The following TBC1D5 variants were observed in gnomAD, a reference collection of about 807,000 sequenced individuals.
TBC1D5 encodes the protein TBC1 domain family, member 5.
In TBC1D5, 75 loss-of-function variants were observed where a neutral mutation model predicts 100.3. The observed-to-expected ratio is 0.75, with a 90% CI of 0.62 to 0.91. The LOEUF is 0.91. Among genes scored for constraint, TBC1D5 ranks in the 40% least tolerant of loss-of-function variants. TBC1D5 has a pLI of 0.00. For synonymous variants in TBC1D5, 323 were observed against 325.6 expected (o/e 0.99, Z 0.09); for missense variants, 910 against 942.4 (o/e 0.97, Z 0.45).
intron 1 of TBC1D5, among the ~76,000 whole-genome samples, chr3:17,635,281 T>C (rs1259238068): frequency 6.6e-6 from 1 of 152,212 alleles, no homozygotes; most frequent in Admixed American, 6.5e-5. Context: ...ACACATTAAA[T>C]GGATCATAAG....
chr3:17,407,690 G>T (rs2093809947), intron 4 of TBC1D5, among the ~76,000 whole-genome samples: 1 of 152,238 alleles, frequency 6.6e-6, no homozygotes, highest in East Asian at 1.9e-4. Flanking sequence ...AGTTCCAGAA[G>T]AGTGACCAAA....
At chr3:17,475,589 G>A (rs770106839) in intron 3 of TBC1D5, among the ~76,000 whole-genome samples, 4 of 151,882 alleles carry the variant, frequency 2.6e-5, no homozygotes, top group South Asian at 2.1e-4. Context: ...AAATATATCC[G>A]GTATCTGTTT....
chr3:17,607,664 C>T (rs547070781), intron 2 of TBC1D5, among the ~76,000 whole-genome samples: 1 of 151,756 alleles, frequency 6.6e-6, no homozygotes, highest in Non-Finnish European at 1.5e-5. Flanking sequence ...CCCGCCAATA[C>T]CCCCCAAAAA....
chr3:17,575,462 T>C (rs1302311433), intron 2 of TBC1D5, among the ~76,000 whole-genome samples: 2 of 152,132 alleles, frequency 1.3e-5, no homozygotes, highest in African/African-American at 2.4e-5. Context: ...AACAGTGTCA[T>C]ACCACCTACC....
chr3:17,237,516 T>C (rs2075955915), intron 17 of TBC1D5, among the ~76,000 whole-genome samples: 2 of 152,314 alleles, frequency 1.3e-5, no homozygotes, highest in South Asian at 4.1e-4. Context: ...TGAGTCCCAG[T>C]AGAAAATGTG....
At chr3:17,492,479 G>C (rs1268997388) in intron 3 of TBC1D5, among the ~76,000 whole-genome samples, 2 of 151,874 alleles carry the variant, frequency 1.3e-5, no homozygotes, top group African/African-American at 4.8e-5. Flanking sequence ...CTGTCACCCA[G>C]GCTGGAGTGG....
chr3:17,208,922 G>T (rs1170015852), intron 18 of TBC1D5, among the ~76,000 whole-genome samples: 1 of 152,072 alleles, frequency 6.6e-6, no homozygotes, highest in Non-Finnish European at 1.5e-5. Flanking sequence ...CTACTTTGCT[G>T]TAATTTTTAG....
At chr3:17,235,151 A>G (rs991442393) in intron 17 of TBC1D5, among the ~76,000 whole-genome samples, 1 of 152,146 alleles carries the variant, frequency 6.6e-6, no homozygotes, top group Admixed American at 6.6e-5. Context: ...AATATCACCA[A>G]AACAATTACA....
chr3:17,566,049 G>GA (rs548989768), intron 2 of TBC1D5, among the ~76,000 whole-genome samples: 7 of 151,630 alleles, frequency 4.6e-5, no homozygotes, highest in South Asian at 4.2e-4. Flanking sequence ...ATTCAGTAGA[G>GA]AAAAAAAATC....
intron 16 of TBC1D5, among the ~76,000 whole-genome samples, chr3:17,250,260 G>A (rs1409186228): frequency 6.6e-6 from 1 of 152,188 alleles, no homozygotes; most frequent in Non-Finnish European, 1.5e-5. Flanking sequence ...CCAATACCAT[G>A]TTACCATATC....
chr3:17,185,713 T>TAA (rs973256913), intron 18 of TBC1D5, among the ~76,000 whole-genome samples: 1 of 144,718 alleles, frequency 6.9e-6, no homozygotes, highest in Non-Finnish European at 1.5e-5. Flanking sequence ...AAAAAAAAAA[T>TAA]AAAAAAAAAG....
intron 2 of TBC1D5, among the ~76,000 whole-genome samples, chr3:17,525,885 T>C (rs1474355206): frequency 6.6e-6 from 1 of 152,124 alleles, no homozygotes. Flanking sequence ...TGGCATATAA[T>C]AATAAATATT....
At chr3:17,586,610 C>T (rs552291454) in intron 2 of TBC1D5, 1 of 152,088 alleles carries the variant, frequency 6.6e-6, no homozygotes, top group Admixed American at 6.5e-5. Flanking sequence ...CCAGGAGAAA[C>T]CCTAAATCAT....
intron 9 of TBC1D5, among the ~76,000 whole-genome samples, chr3:17,383,681 T>C (rs946773789): frequency 1.3e-5 from 2 of 152,052 alleles, no homozygotes; most frequent in Non-Finnish European, 2.9e-5. Flanking sequence ...AAAGAAAAGA[T>C]TGAACACCTT....
At chr3:17,378,472 C>T (rs2092798444) in intron 9 of TBC1D5, among the ~76,000 whole-genome samples, 1 of 151,832 alleles carries the variant, frequency 6.6e-6, no homozygotes, top group East Asian at 1.9e-4. Context: ...GATTGAACCC[C>T]AAAATTTTAT....
At chr3:17,480,277 A>G (rs1404696121) in intron 3 of TBC1D5, among the ~76,000 whole-genome samples, 2 of 152,148 alleles carry the variant, frequency 1.3e-5, no homozygotes, top group African/African-American at 4.8e-5. Context: ...CATGGATGAC[A>G]TGCTGATGGT....
At chr3:17,650,063 T>C (rs1182128282) in intron 1 of TBC1D5, among the ~76,000 whole-genome samples, 2 of 152,006 alleles carry the variant, frequency 1.3e-5, no homozygotes, top group Non-Finnish European at 1.5e-5. Flanking sequence ...AAATACCACA[T>C]GTTCTCACTC....
At chr3:17,498,488 G>A (rs116755668) in intron 3 of TBC1D5, among the ~76,000 whole-genome samples, 2 of 152,090 alleles carry the variant, frequency 1.3e-5, no homozygotes, top group Non-Finnish European at 2.9e-5. Context: ...ACAGAACAAT[G>A]TCAAAGAATC....
intron 8 of TBC1D5, among the ~76,000 whole-genome samples, chr3:17,389,210 G>A (rs1307054375): frequency 2.0e-5 from 3 of 151,910 alleles, no homozygotes; most frequent in Non-Finnish European, 4.4e-5. Context: ...CGATTCTCCT[G>A]TCCCCTGTAT....
Sources: gnomAD v4.1 joint callset for allele counts (sites outside exome capture counted in the v4.1 genomes callset) on GRCh38, gnomAD v4.1.1 for gene constraint, MANE v1.5 for transcripts, NCBI Gene and HGNC (gene_info 2026-07-23, HGNC 2026-07-21) for gene names.